Variants in CTBP1 observed in about 807,000 individuals in gnomAD.
The protein encoded by CTBP1 is C-terminal binding protein 1.
In CTBP1, 11 loss-of-function variants were observed where a neutral mutation model predicts 42.1. The ratio of observed to expected loss-of-function variants is 0.26; its 90% CI spans 0.16 to 0.43. CTBP1 has a LOEUF of 0.43. CTBP1 is among the 20% of genes least tolerant of loss of function. CTBP1 has a pLI of 1.00. For synonymous variants in CTBP1, 324 were observed against 277.1 expected (o/e 1.17, Z -1.68); for missense variants, 399 against 624.3 (o/e 0.64, Z 3.85).
intron 1 of CTBP1, among the ~76,000 whole-genome samples, chr4:1,248,346 T>G (rs1016379977): frequency 7.9e-5 from 12 of 151,466 alleles, no homozygotes; most frequent in Non-Finnish European, 4.4e-5. Context: ...GGCAGCGGCC[T>G]CCTCCACGGT....
chr4:1,242,867 G>A (rs546429535), intron 1 of CTBP1: 2 of 985,392 alleles, frequency 2.0e-6, no homozygotes, highest in African/African-American at 1.7e-5. Context: ...GCCTGGCCAG[G>A]GGGCAAGGCA....
At chr4:1,223,109 G>GA (rs1402280963) in intron 5 of CTBP1, among the ~76,000 whole-genome samples, 1 of 152,076 alleles carries the variant, frequency 6.6e-6, no homozygotes, top group African/African-American at 2.4e-5. Context: ...GGCAGTCCAC[G>GA]AATCTGAAGG....
chr4:1,227,665 A>G (rs893579985), intron 4 of CTBP1, among the ~76,000 whole-genome samples: 2 of 143,438 alleles, frequency 1.4e-5, no homozygotes, highest in African/African-American at 5.3e-5. Flanking sequence ...GGTGCAGATG[A>G]GTGTGCGTGT....
chr4:1,229,517 G>A lies in CTBP1; in HGVS notation c.163-1174C>T, dbSNP rs574861484. Among the ~76,000 whole-genome samples the A allele has an allele frequency of 3.6e-4, 55 of 152,334 alleles. 1 individual carries two copies. The highest frequency in any genetic ancestry group is 1.1e-3 in the African/African-American group (46 of 41,576). On this transcript the variant is annotated intron_variant, in intron 3 of 9. Coordinates refer to ENST00000382952, the MANE Select transcript of CTBP1 (RefSeq NM_001012614.2). ...CAGCGGGGCCCCAGGTACTCCTGAC[G>A]GATCAATGGCGCAGGCTCAGCACAG...
intron 1 of CTBP1, chr4:1,244,669 AC>A (rs1732536888): frequency 1.0e-6 from 1 of 985,002 alleles, no homozygotes; most frequent in African/African-American, 1.8e-5. Flanking sequence ...CCAGAAGGGC[AC>A]CCTAAGGCTG....
rs1051446521 is a variant in CTBP1 at position 1,245,204 on chromosome 4, C to T, written c.-188-3685G>A. 18 of 985,342 alleles carry T rather than the reference C, an allele frequency of 1.8e-5. No homozygotes were observed. The African/African-American group carries it at 2.1e-4, about 11-fold the overall frequency. 61.0% of individuals were successfully genotyped at this position (985,342 alleles called of 1,614,324 possible). Reference sequence around the variant, plus strand: ...TGAGCCAGGGAGCCACCGCACTCCACGGGGCCTGCAGGGCCGCATCACAGC... The same window carrying T: ...TGAGCCAGGGAGCCACCGCACTCCATGGGGCCTGCAGGGCCGCATCACAGC... On this transcript the variant is annotated intron_variant, in intron 1 of 9. Coordinates refer to ENST00000382952, the MANE Select transcript of CTBP1 (RefSeq NM_001012614.2).
chr4:1,247,767 A>G (rs866508369), intron 1 of CTBP1, among the ~76,000 whole-genome samples: 1,323 of 70,376 alleles, frequency 0.019, no homozygotes, highest in Middle Eastern at 0.032. Context: ...GAGGCCGGGG[A>G]GGGGGGGGGG....
At position 1,238,465 on chromosome 4, in the gene CTBP1, T is replaced by A. The variant is rs568501367; in HGVS notation, c.8-128A>T. ...CGGGGGTTTTCTGGTCTATATGTTG[T>A]GATATTTGTAAAAAGTAAATTAAAA... On this transcript the variant is annotated intron_variant, in intron 2 of 9. Coordinates refer to ENST00000382952, the MANE Select transcript of CTBP1 (RefSeq NM_001012614.2). The surrounding 1 kb of genome is among the most constrained non-coding windows in gnomAD (Gnocchi z 5.9). 40 of 1,122,668 alleles carry A rather than the reference T, an allele frequency of 3.6e-5. No individual in the cohort carries two copies. In the African/African-American group the frequency reaches 6.2e-4, roughly 18 times the overall value. 69.5% of individuals were successfully genotyped at this position (1,122,668 alleles called of 1,614,324 possible).
chr4:1,216,705 C>T (rs1352531301), intron 5 of CTBP1: 1 of 184,592 alleles, frequency 5.4e-6, no homozygotes, highest in Non-Finnish European at 1.2e-5. Context: ...GGCTCAGGTC[C>T]TGACCCCTTC....
At chr4:1,221,131 C>A (rs191180683) in intron 5 of CTBP1, among the ~76,000 whole-genome samples, 181 of 152,368 alleles carry the variant, frequency 1.2e-3, no homozygotes, top group Non-Finnish European at 1.5e-3. Flanking sequence ...ACGCAGACCA[C>A]GTGAGGGCTT....
Position 1,225,450 on chromosome 4 carries a change from C to A in CTBP1, c.424G>T (p.Gly142Cys). ...ATWLHQALRE[G>C]TRVQSVEQIR... ...TGCTCGACGCTCTGGACTCGTGTGC[C>A]CTCCCGCAGCGCCTGGTGCAGCCAG... Residue 142 changes from glycine to cysteine, a missense_variant, in exon 5 of 10, where the codon GGC becomes TGC. This residue lies in a region of CTBP1 where 309 missense variants were observed against 497.5 expected (regional missense o/e 0.62). Transcript: ENST00000382952. 6.5e-7 allele frequency: 1 copy of A among 1,544,354 alleles called. No individual in the cohort carries two copies. The highest frequency in any genetic ancestry group is 8.7e-7 in the Non-Finnish European group (1 of 1,147,438).
chr4:1,230,281 T>G (rs2108762794), intron 3 of CTBP1, among the ~76,000 whole-genome samples: 1 of 152,316 alleles, frequency 6.6e-6, no homozygotes, highest in South Asian at 2.1e-4. Flanking sequence ...GGTGCACAGC[T>G]GTGGTGGAGG....
chr4:1,225,529 C>T lies in CTBP1; in HGVS notation c.345G>A (p.Glu115=), dbSNP rs1730238999. 1 of 1,544,032 alleles carries T rather than the reference C, an allele frequency of 6.5e-7. No individual in the cohort carries two copies. Among genetic ancestry groups the T allele is most frequent in the East Asian group, 2.4e-5 (1 of 40,914 alleles). Residue 115 remains glutamate, a synonymous_variant, in exon 5 of 10, where the codon GAG becomes GAA. Transcript: ENST00000382952. ...GGCACAGCGTCGAGTCGGCCGTCTC[C>T]TCCACAGACGCCGCGGGCACGTTGC... ...AVCNVPAASV[E]ETADSTLCHI...
chr4:1,248,678 G>A (rs540162590), intron 1 of CTBP1: 2 of 982,598 alleles, frequency 2.0e-6, no homozygotes, highest in East Asian at 1.2e-4. Context: ...GGCCGCGGGC[G>A]GGGAGAGCAG....
chr4:1,240,692 G>A (rs983934340), intron 2 of CTBP1, among the ~76,000 whole-genome samples: 2 of 152,132 alleles, frequency 1.3e-5, no homozygotes, highest in Admixed American at 6.5e-5. Flanking sequence ...GGGAGCAGGT[G>A]GAGACACCAA....
Position 1,211,899 on chromosome 4 carries a change from T to A in CTBP1, c.*341A>T, listed in dbSNP as rs376995762. The A allele has an allele frequency of 5.0e-6, 1 of 199,524 alleles. No individual in the cohort carries two copies. The highest frequency in any genetic ancestry group is 1.0e-5 in the Non-Finnish European group (1 of 100,360). 12.4% of individuals were successfully genotyped at this position (199,524 alleles called of 1,614,324 possible). ...AAAAAACAAAAAAAAAAACCTCAAA[T>A]TGACTTCCAAATGCTCCTTCAGGTT... On this transcript the variant is annotated 3_prime_UTR_variant, in exon 10 of 10. Transcript: ENST00000382952.
In CTBP1 at chr4:1,212,942, C is replaced by CACG; in HGVS notation, c.1074_1076dup (p.Val359dup). 1 of 1,613,780 alleles carries CACG rather than the reference C, an allele frequency of 6.2e-7. No homozygotes were observed. The highest frequency in any genetic ancestry group is 8.5e-7 in the Non-Finnish European group (1 of 1,179,984). Reference sequence around the variant, plus strand: ...AGGCAGCCCCATTGAGCTCAGGGTGCACGACGGCGGGGTCCATGCTGGCCC... The same window carrying CACG: ...AGGCAGCCCCATTGAGCTCAGGGTGCACGACGACGGCGGGGTCCATGCTGGCCC... On this transcript the variant is annotated inframe_insertion, in exon 9 of 10. Transcript: ENST00000382952.
chr4:1,227,643 T>A (rs898899097), intron 4 of CTBP1, among the ~76,000 whole-genome samples: 2 of 149,996 alleles, frequency 1.3e-5, no homozygotes, highest in African/African-American at 2.5e-5. Flanking sequence ...GTGTGCTAAC[T>A]GCATGTGCAT....
intron 3 of CTBP1, 34 bp from the exon 4 acceptor site, chr4:1,228,377 A>T: frequency 6.2e-7 from 1 of 1,602,108 alleles, no homozygotes; most frequent in Non-Finnish European, 8.5e-7. Context: ...TCAGCCCGGA[A>T]CCTGAAGACC....
Sources: allele counts gnomAD v4.1 joint callset (sites outside exome capture counted in the v4.1 genomes callset), GRCh38; gene constraint gnomAD v4.1.1; regional missense constraint gnomAD v4.1.1; non-coding constraint Gnocchi (gnomAD v3.1); transcripts MANE v1.5; gene names NCBI Gene and HGNC (gene_info 2026-07-23, HGNC 2026-07-21).